MASTL: variants seen among roughly 807,000 people sequenced by gnomAD.
MASTL encodes the protein microtubule associated serine/threonine kinase like, also known as serine/threonine-protein kinase greatwall.
MASTL carries 54 observed loss-of-function variants against 82.5 expected under a neutral mutation model. The ratio of observed to expected loss-of-function variants is 0.65; its 90% CI spans 0.53 to 0.82. The LOEUF (loss-of-function observed/expected upper bound fraction) is 0.82, where lower values mean the gene tolerates loss of function less well. MASTL is among the 40% of genes least tolerant of loss of function. The probability of loss-of-function intolerance (pLI) is 0.00; values close to 1 mark genes in which losing one functional copy is unlikely to be tolerated. For synonymous variants in MASTL, 323 were observed against 368.9 expected, an observed-to-expected ratio of 0.88 and a Z score of 1.43; for missense variants, 950 against 1,047.8, an observed-to-expected ratio of 0.91 and a Z score of 1.29.
Position 27,170,001 on chromosome 10 carries a change from T to C in MASTL, c.1042T>C (p.Cys348Arg). 1.2e-6 allele frequency: 2 copies of C among 1,614,180 alleles called. No individual in the cohort carries two copies. The highest frequency in any genetic ancestry group is 1.3e-5 in the African/African-American group (1 of 75,044). ...GAGTTGGAATGCAGTTGAAAAGTTA[T>C]GCGCAAAATCTGCAAATGCCATTGA... is the stretch of plus-strand genomic sequence containing the variant. ...MMSWNAVEKL[C>R]AKSANAIETK... is the part of the protein sequence containing the mutation. The change falls in exon 8 of 12, where the codon TGC becomes CGC. Residue 348 changes from cysteine (C) to arginine (R), a missense_variant. Transcript: ENST00000375940.
intron 2 of MASTL, 55 bp downstream of exon 2, chr10:27,158,741 A>C: frequency 6.3e-7 from 1 of 1,585,604 alleles, no homozygotes; most frequent in Non-Finnish European, 8.7e-7. Flanking sequence ...CATTGAACCT[A>C]GTGATTTAAG....
upstream of MASTL, chr10:27,154,545 C>T: frequency 2.4e-6 from 1 of 420,964 alleles, no homozygotes; most frequent in African/African-American, 2.0e-5. Context: ...GGGAGAACAG[C>T]CTTTACCCTC....
chr10:27,173,042 T>C, intron 8 of MASTL, 76 bp from the exon 9 acceptor site: 2 of 1,566,830 alleles, frequency 1.3e-6, no homozygotes, highest in Non-Finnish European at 8.8e-7. Context: ...TTATTTGGCT[T>C]GTGTGTTTCA....
chr10:27,184,203 T>C (rs2058498846), intron 11 of MASTL, among the ~76,000 whole-genome samples: 1 of 152,092 alleles, frequency 6.6e-6, no homozygotes, highest in African/African-American at 2.4e-5. Flanking sequence ...TAGTGGTAAA[T>C]ACTAGGAAGA....
intron 6 of MASTL, 141 bp downstream of exon 6, chr10:27,165,680 T>G (rs1031897628): frequency 1.0e-6 from 1 of 954,118 alleles, no homozygotes; most frequent in African/African-American, 1.6e-5. Flanking sequence ...TGGCGCGATC[T>G]CGGCGGCTCA....
At chr10:27,168,791 C>T (rs944528713) in intron 7 of MASTL, among the ~76,000 whole-genome samples, 8 of 152,032 alleles carry the variant, frequency 5.3e-5, no homozygotes, top group Admixed American at 2.0e-4. Flanking sequence ...GACTGGGCAA[C>T]GAGCAAAACT....
intron 9 of MASTL, among the ~76,000 whole-genome samples, chr10:27,179,083 C>T (rs1483544749): frequency 6.6e-6 from 1 of 152,074 alleles, no homozygotes; most frequent in Non-Finnish European, 1.5e-5. Context: ...GTGAAGTTGT[C>T]TTTAAAGAGT....
At position 27,186,605 on chromosome 10, in the gene MASTL, T is replaced by C. The variant is rs2058767601; in HGVS notation, c.*69T>C. 1 of 1,299,862 alleles carries C rather than the reference T, an allele frequency of 7.7e-7. No individual in the cohort carries two copies. The allele number at this position is 1,299,862 out of a possible 1,614,324, so 80.5% of individuals were successfully genotyped here. A position where few individuals can be genotyped will look rare whatever the true frequency, so the allele number is the denominator to read the frequency against. ...ACTTGCATAATTATATACTCCTTAA[T>C]ACTAGATTGATCTAAGGGGGAAAGA... is the stretch of plus-strand genomic sequence containing the variant. On this transcript the variant is annotated 3_prime_UTR_variant, in exon 12 of 12. Coordinates refer to ENST00000375940, the MANE Select transcript of MASTL (RefSeq NM_001172303.3).
chr10:27,171,889 C>T (rs192359945), intron 8 of MASTL, among the ~76,000 whole-genome samples: 1,845 of 121,598 alleles, frequency 0.015, 114 homozygotes, highest in Admixed American at 0.14. Flanking sequence ...AGTGCAGTGG[C>T]GCGATCTTGG....
At chr10:27,161,508 CAAA>C (rs879349066) in intron 4 of MASTL, among the ~76,000 whole-genome samples, 2 of 122,272 alleles carry the variant, frequency 1.6e-5, no homozygotes, top group East Asian at 2.3e-4. Context: ...AAATCTCTCT[CAAA>C]AAAAAAAAAG....
chr10:27,179,469 A>G (rs556376677), intron 9 of MASTL, among the ~76,000 whole-genome samples: 1 of 152,296 alleles, frequency 6.6e-6, no homozygotes, highest in East Asian at 1.9e-4. Flanking sequence ...AGGCAGGAGA[A>G]TGGCGTGAAC....
chr10:27,181,102 T>C (rs1219243656), intron 10 of MASTL, 36 bp downstream of exon 10: 1 of 1,453,970 alleles, frequency 6.9e-7, no homozygotes, highest in Non-Finnish European at 9.7e-7. Flanking sequence ...AGTCATTTAC[T>C]GGCTGGGCAT....
At chr10:27,178,631 A>G (rs1261723359) in intron 9 of MASTL, among the ~76,000 whole-genome samples, 3 of 151,414 alleles carry the variant, frequency 2.0e-5, no homozygotes, top group African/African-American at 4.8e-5. Flanking sequence ...ACTTTGACTT[A>G]AGTATATGGG....
At chr10:27,180,008 T>C (rs1336101671) in intron 9 of MASTL, among the ~76,000 whole-genome samples, 1 of 152,236 alleles carries the variant, frequency 6.6e-6, no homozygotes, top group Non-Finnish European at 1.5e-5. Context: ...CTGTGGTAAT[T>C]GGTAATCTAA....
intron 8 of MASTL, 114 bp downstream of exon 8, chr10:27,171,197 T>C: frequency 1.1e-6 from 1 of 917,570 alleles, no homozygotes; most frequent in South Asian, 1.6e-5. Context: ...GTTCTTCTTG[T>C]TGAGAATCTG....
chr10:27,162,669 G>C (rs1452400467), intron 4 of MASTL, among the ~76,000 whole-genome samples: 2 of 148,748 alleles, frequency 1.3e-5, no homozygotes. Context: ...ACTCCATCTC[G>C]AAAAAAAAAG....
In MASTL at chr10:27,155,386, G is replaced by T. The variant is rs567936483; in HGVS notation, c.-41G>T. 7.1e-6 allele frequency: 11 copies of T among 1,553,164 alleles called. No homozygotes were observed. The highest frequency in any genetic ancestry group is 1.9e-5 in the Admixed American group (1 of 51,932). ...CCAGTTGGCGGGAGTGGCTGCTCGC[G>T]GAGGGGCAGTGTCTGCGGGGCCGCT... On this transcript the variant is annotated 5_prime_UTR_variant, in exon 1 of 12. Coordinates refer to ENST00000375940, the MANE Select transcript of MASTL (RefSeq NM_001172303.3).
chr10:27,158,635 A>T lies in MASTL; in HGVS notation c.273A>T (p.Pro91=). The T allele has an allele frequency of 6.2e-7, 1 of 1,614,028 alleles. No homozygotes were observed. The highest frequency in any genetic ancestry group is 8.5e-7 in the Non-Finnish European group (1 of 1,179,852). ...ATGCACTGGCACTAAGCAAAAGCCC[A>T]TTCATTGTCCATTTGTATTATTCAC... The part of the protein sequence containing the change: ...ERDALALSKS[P]FIVHLYYSLQ... The change falls in exon 2 of 12, where the codon CCA becomes CCT. Residue 91 remains proline (P), a synonymous_variant. Transcript: ENST00000375940.
At chr10:27,158,312 G>T (rs2057459652) in intron 1 of MASTL, among the ~76,000 whole-genome samples, 1 of 152,220 alleles carries the variant, frequency 6.6e-6, no homozygotes, top group African/African-American at 2.4e-5. Context: ...TTTTGGGCCA[G>T]CCTGGGCAAC....
Sources: gnomAD v4.1 joint callset for allele counts (sites outside exome capture counted in the v4.1 genomes callset) on GRCh38, gnomAD v4.1.1 for gene constraint, MANE v1.5 for transcripts, NCBI Gene and HGNC (gene_info 2026-07-23, HGNC 2026-07-21) for gene names.